NCOA7: variants seen among roughly 807,000 people sequenced by gnomAD.
The protein encoded by NCOA7 is nuclear receptor coactivator 7, also known as 140 kDa estrogen receptor-associated protein.
A neutral mutation model predicts 104.3 loss-of-function variants in NCOA7; 45 were observed. That is an observed-to-expected ratio of 0.43 (90% CI 0.34 to 0.55). The LOEUF (loss-of-function observed/expected upper bound fraction) is 0.55, where lower values mean the gene tolerates loss of function less well. NCOA7 is among the 20% of genes least tolerant of loss of function. The pLI is 0.02. For synonymous variants in NCOA7, 398 were observed against 402.3 expected (o/e 0.99, Z 0.13); for missense variants, 1,041 against 1,119.7 (o/e 0.93, Z 1.00).
intron 1 of NCOA7, among the ~76,000 whole-genome samples, chr6:125,783,215 C>T (rs1044331159): frequency 2.0e-5 from 3 of 152,118 alleles, no homozygotes; most frequent in African/African-American, 7.2e-5. Flanking sequence ...TGGCTACGTA[C>T]CGTCATTTGA....
At chr6:125,815,210 G>A (rs1777476512) in intron 1 of NCOA7, 81 bp from the exon 2 acceptor site, 4 of 521,868 alleles carry the variant, frequency 7.7e-6, no homozygotes, top group Non-Finnish European at 1.4e-5. Flanking sequence ...TTTAGTCCAT[G>A]TAGTTCTACT....
rs1431121941 is a variant in NCOA7 at position 125,905,514 on chromosome 6, G to A, written c.2097-9819G>A. ...TGACCTCAAATGATCTGCCTGCTTC[G>A]GCCTCCCGAAGTGCTGGGATTACAG... On this transcript the variant is annotated intron_variant, in intron 10 of 15. Coordinates refer to ENST00000392477, the MANE Select transcript of NCOA7 (RefSeq NM_181782.5). Among the ~76,000 whole-genome samples, 13 of 152,086 alleles carry A rather than the reference G, an allele frequency of 8.5e-5. No homozygotes were observed. The East Asian group carries it at 2.5e-3, about 29-fold the overall frequency.
intron 2 of NCOA7, among the ~76,000 whole-genome samples, chr6:125,830,463 A>G (rs2128590888): frequency 6.6e-6 from 1 of 152,280 alleles, no homozygotes; most frequent in South Asian, 2.1e-4. Context: ...CTGAGGTGGA[A>G]GGATTGTTTG....
intron 11 of NCOA7, among the ~76,000 whole-genome samples, chr6:125,918,889 C>T (rs1238343157): frequency 6.6e-6 from 1 of 151,604 alleles, no homozygotes; most frequent in Non-Finnish European, 1.5e-5. Flanking sequence ...CAAGCTTATA[C>T]CAGGGATCAC....
rs1788383770 is a variant in NCOA7, at chr6:125,930,240, C to CCACCTACT, written c.*1471_*1478dup. ...GACTATGTGGCGGGCACCTGTAATC[C>CCACCTACT]CACCTACTCGGGAGGCTGAGGCAGG... On this transcript the variant is annotated 3_prime_UTR_variant, in exon 16 of 16. Transcript: ENST00000392477. 1 of 152,258 alleles carries CCACCTACT rather than the reference C, an allele frequency of 6.6e-6. No homozygotes were observed. The highest frequency in any genetic ancestry group is 2.1e-4 in the South Asian group (1 of 4,826). 9.4% of individuals were successfully genotyped at this position (152,258 alleles called of 1,614,324 possible).
intron 10 of NCOA7, among the ~76,000 whole-genome samples, chr6:125,894,388 ATAAT>A (rs1407371198): frequency 6.6e-6 from 1 of 152,188 alleles, no homozygotes; most frequent in Non-Finnish European, 1.5e-5. Flanking sequence ...CAATAGCTAA[ATAAT>A]TTAGAGATTT....
chr6:125,792,116 C>T (rs534913472), intron 1 of NCOA7, among the ~76,000 whole-genome samples: 2 of 152,030 alleles, frequency 1.3e-5, no homozygotes, highest in Admixed American at 6.5e-5. Flanking sequence ...AGAATAAGTA[C>T]CCATTAGTTA....
Position 125,905,701 on chromosome 6 carries a change from C to G in NCOA7, c.2097-9632C>G, listed in dbSNP as rs149157833. Among the ~76,000 whole-genome samples the G allele has an allele frequency of 2.0e-5, 3 of 152,268 alleles. No homozygotes were observed. The East Asian group carries it at 5.8e-4, about 29-fold the overall frequency. On this transcript the variant is annotated intron_variant, in intron 10 of 15. Transcript: ENST00000392477. ...AAAAGAAATTGGGAAATCTGCCAGC[C>G]CAGTTGTCAACAATACACTCTAAAG...
chr6:125,888,329 A>G (rs1396463314), intron 8 of NCOA7, among the ~76,000 whole-genome samples: 1 of 152,210 alleles, frequency 6.6e-6, no homozygotes, highest in Non-Finnish European at 1.5e-5. Flanking sequence ...ACCCACAATA[A>G]TAGTGGAAGC....
chr6:125,901,366 C>G (rs535356023), intron 10 of NCOA7, among the ~76,000 whole-genome samples: 45 of 152,268 alleles, frequency 3.0e-4, no homozygotes, highest in African/African-American at 1.1e-3. Flanking sequence ...AATTCCTTAA[C>G]TGTTCTGGGT....
chr6:125,855,465 G>A, intron 3 of NCOA7: 1 of 451,178 alleles, frequency 2.2e-6, no homozygotes, highest in Middle Eastern at 6.0e-4. Flanking sequence ...TGCCCAGAAT[G>A]TATTGTGTAC....
At chr6:125,841,472 ACC>A (rs1780168391) in intron 2 of NCOA7, among the ~76,000 whole-genome samples, 2 of 152,098 alleles carry the variant, frequency 1.3e-5, no homozygotes, top group Non-Finnish European at 2.9e-5. Context: ...TTATACCACA[ACC>A]TGTGGTTGGT....
intron 1 of NCOA7, among the ~76,000 whole-genome samples, chr6:125,793,997 C>T (rs942825334): frequency 1.3e-5 from 2 of 152,136 alleles, no homozygotes; most frequent in African/African-American, 2.4e-5. Flanking sequence ...AAGGCCATGA[C>T]GTCAACCTAT....
chr6:125,855,074 T>C lies in NCOA7; in HGVS notation c.105T>C (p.Ala35=). The stretch of plus-strand genomic sequence containing the variant: ...ATGCAGAGACAGCCTCAGCTGTAGC[T>C]ACAAGGACTCATACTGGGAAGGAAG... ...KQNAETASAV[A]TRTHTGKEDN... The change falls in exon 3 of 16, where the codon GCT becomes GCC. Residue 35 remains alanine, a synonymous_variant. Transcript: ENST00000392477. 5 of 1,613,196 alleles carry C rather than the reference T, an allele frequency of 3.1e-6. No homozygotes were observed. The highest frequency in any genetic ancestry group is 4.2e-6 in the Non-Finnish European group (5 of 1,179,926).
chr6:125,890,658 A>G lies in NCOA7; in HGVS notation c.1944A>G (p.Lys648=). The change falls in exon 10 of 16, where the codon AAA becomes AAG. Residue 648 remains lysine, a synonymous_variant. Transcript: ENST00000392477. ...GTGATTCAGATATACTTCCTTCAAA[A>G]GAAGAAAAAAGCAAGACCCCACCCA... ...QVPIEDILPS[K]EEKSKTPPMF... 1 of 1,612,386 alleles carries G rather than the reference A, an allele frequency of 6.2e-7. No individual in the cohort carries two copies. Among genetic ancestry groups the G allele is most frequent in the Non-Finnish European group, 8.5e-7 (1 of 1,179,438 alleles).
chr6:125,847,167 CACATAT>C (rs1271136563), intron 2 of NCOA7, among the ~76,000 whole-genome samples: 1 of 152,128 alleles, frequency 6.6e-6, no homozygotes, highest in Non-Finnish European at 1.5e-5. Context: ...TACCCTTGTA[CACATAT>C]TTTCTGCATA....
At chr6:125,888,030 A>T (rs1237765039) in intron 8 of NCOA7, among the ~76,000 whole-genome samples, 17 of 151,954 alleles carry the variant, frequency 1.1e-4, no homozygotes, top group Non-Finnish European at 8.8e-5. Flanking sequence ...CATTTTTTTT[A>T]AATGTATTTC....
Position 125,928,740 on chromosome 6 carries a change from T to C in NCOA7, c.2798T>C (p.Val933Ala), listed in dbSNP as rs1220235234. The change falls in exon 16 of 16, where the codon GTT becomes GCT. Residue 933 changes from valine (V) to alanine (A), a missense_variant. Around this residue, in one of 2 missense-constraint regions of NCOA7, gnomAD observed 127 missense variants for 177.0 expected, o/e 0.72. Coordinates refer to ENST00000392477, the MANE Select transcript of NCOA7 (RefSeq NM_181782.5). Reference protein sequence around the residue: ...DILSKKEDFIVQDLEVWAFD With the variant: ...DILSKKEDFIAQDLEVWAFD ...CTTTCCAAAAAGGAAGACTTCATAG[T>C]TCAGGATCTGGAGGTGTGGGCATTT... The C allele has an allele frequency of 1.9e-6, 3 of 1,613,648 alleles. No homozygotes were observed. The highest frequency in any genetic ancestry group is 1.7e-5 in the Admixed American group (1 of 59,928).
intron 2 of NCOA7, among the ~76,000 whole-genome samples, chr6:125,819,643 G>A (rs546890508): frequency 6.6e-6 from 1 of 152,242 alleles, no homozygotes; most frequent in African/African-American, 2.4e-5. Flanking sequence ...AATTACTAAA[G>A]CAAATTATAC....
Sources: gnomAD v4.1 joint callset for allele counts (sites outside exome capture counted in the v4.1 genomes callset) on GRCh38, gnomAD v4.1.1 for gene constraint, gnomAD v4.1.1 regional missense constraint, MANE v1.5 for transcripts, NCBI Gene and HGNC (gene_info 2026-07-23, HGNC 2026-07-21) for gene names.